ZNF251: variants seen among roughly 807,000 people sequenced by gnomAD.
ZNF251 encodes zinc finger protein 251.
In ZNF251, 14 loss-of-function variants were observed where a neutral mutation model predicts 13.5. The observed-to-expected ratio is 1.04, with a 90% CI of 0.69 to 1.63. ZNF251 has a LOEUF of 1.63. Among genes scored for constraint, ZNF251 ranks in the 40% most tolerant of loss-of-function variants. The probability of loss-of-function intolerance (pLI) is 0.00; values close to 1 mark genes in which losing one functional copy is unlikely to be tolerated. For synonymous variants in ZNF251, 287 were observed against 295.2 expected, an observed-to-expected ratio of 0.97 and a Z score of 0.28; for missense variants, 764 against 834.9, an observed-to-expected ratio of 0.92 and a Z score of 1.05.
chr8:144,739,638 G>A (rs1390925176), intron 4 of ZNF251, among the ~76,000 whole-genome samples: 3 of 152,190 alleles, frequency 2.0e-5, no homozygotes, highest in Non-Finnish European at 4.4e-5. Flanking sequence ...GTATTTTGAT[G>A]CTGTAATCCC....
intron 4 of ZNF251, among the ~76,000 whole-genome samples, chr8:144,737,642 C>T (rs1823958825): frequency 6.6e-6 from 1 of 151,740 alleles, no homozygotes; most frequent in South Asian, 2.1e-4. Flanking sequence ...ACCATCCTGG[C>T]TAACACGGTG....
intron 2 of ZNF251, 178 bp from the exon 3 acceptor site, chr8:144,754,499 A>G: frequency 6.9e-7 from 1 of 1,447,380 alleles, no homozygotes; most frequent in Non-Finnish European, 9.1e-7. Context: ...AACTTCAGCT[A>G]CACGGGGACC....
intron 4 of ZNF251, chr8:144,738,414 C>A (rs766999362): frequency 1.0e-4 from 29 of 283,414 alleles, no homozygotes; most frequent in Admixed American, 3.9e-4. Flanking sequence ...CACCATGCCA[C>A]AGCTCAGGAC....
At chr8:144,728,322 T>C (rs1342376180) in intron 4 of ZNF251, among the ~76,000 whole-genome samples, 4 of 151,606 alleles carry the variant, frequency 2.6e-5, no homozygotes, top group East Asian at 1.9e-4. Flanking sequence ...ACAATTACAA[T>C]AGCAACATTA....
At chr8:144,729,936 A>T in intron 4 of ZNF251, 1 of 564,194 alleles carries the variant, frequency 1.8e-6, no homozygotes, top group Non-Finnish European at 2.2e-6. Flanking sequence ...CTACTCAGAT[A>T]AAGATGTTCA....
intron 4 of ZNF251, chr8:144,738,669 G>C (rs1158756628): frequency 2.0e-6 from 2 of 985,358 alleles, no homozygotes; most frequent in African/African-American, 3.5e-5. Context: ...AGTGGAAACA[G>C]CACAGTTCTC....
chr8:144,748,903 G>A (rs1824557687), intron 4 of ZNF251, among the ~76,000 whole-genome samples: 1 of 152,128 alleles, frequency 6.6e-6, no homozygotes, highest in Non-Finnish European at 1.5e-5. Context: ...CAGGCACTGT[G>A]GCCTGTAATA....
intron 4 of ZNF251, among the ~76,000 whole-genome samples, chr8:144,726,566 A>G (rs1451754743): frequency 6.6e-6 from 1 of 151,612 alleles, no homozygotes; most frequent in Non-Finnish European, 1.5e-5. Flanking sequence ...AATAAAGACT[A>G]TTAGAAAACT....
rs1823828862 is a variant in ZNF251 at position 144,734,798 on chromosome 8, G to A, written c.278-11416C>T. Among the ~76,000 whole-genome samples, 1 of 152,236 alleles carries A rather than the reference G, an allele frequency of 6.6e-6. No individual in the cohort carries two copies. Among genetic ancestry groups the A allele is most frequent in the Non-Finnish European group, 1.5e-5 (1 of 68,048 alleles). Reference sequence around the variant, plus strand: ...TGTCTTAAGGGATTTTGCAGGCCGGGCGTGGTAGCTCACGCCTGTAATCCC... The same window carrying A: ...TGTCTTAAGGGATTTTGCAGGCCGGACGTGGTAGCTCACGCCTGTAATCCC... On this transcript the variant is annotated intron_variant, in intron 4 of 4. Coordinates refer to ENST00000292562, the MANE Select transcript of ZNF251 (RefSeq NM_138367.2). This position sits in a 1 kb window ranked among gnomAD's most constrained non-coding sequence, Gnocchi z 4.4.
chr8:144,722,815 A>C lies in ZNF251; in HGVS notation c.845T>G (p.Leu282Arg), dbSNP rs1823410422. The C allele has an allele frequency of 3.1e-6, 5 of 1,614,080 alleles. No individual in the cohort carries two copies. Among genetic ancestry groups the C allele is most frequent in the Non-Finnish European group, 4.2e-6 (5 of 1,179,918 alleles). ...KTFGLNSHLR[L>R]HRRIHTGEKP... Reference sequence around the variant, plus strand: ...TTCTCCAGTGTGAATTCTCCGATGAAGACGGAGGTGAGAATTGAGTCCAAA... The same window carrying C: ...TTCTCCAGTGTGAATTCTCCGATGACGACGGAGGTGAGAATTGAGTCCAAA... The change falls in exon 5 of 5, where the codon CTT (leucine) becomes CGT (arginine). Residue 282 changes from leucine (L) to arginine (R), a missense_variant. By Grantham distance (102) the Leu-to-Arg change is moderately radical (BLOSUM62 -2). Coordinates refer to ENST00000292562, the MANE Select transcript of ZNF251 (RefSeq NM_138367.2). This position sits in a 1 kb window ranked among gnomAD's most constrained non-coding sequence, Gnocchi z 4.8.
At position 144,750,123 on chromosome 8, in the gene ZNF251, G is replaced by A. The variant is rs551090249; in HGVS notation, c.277+3560C>T. Among the ~76,000 whole-genome samples the A allele has an allele frequency of 2.0e-5, 3 of 151,840 alleles. No individual in the cohort carries two copies. In the South Asian group the frequency reaches 6.2e-4, roughly 32 times the overall value. ...AATCATAGTTTTAAAAAAATACCTGGTCTGATTACTCCAACACTCCTGCCA... is the reference window on the plus strand; with the variant it reads ...AATCATAGTTTTAAAAAAATACCTGATCTGATTACTCCAACACTCCTGCCA... On this transcript the variant is annotated intron_variant, in intron 4 of 4. Coordinates refer to ENST00000292562, the MANE Select transcript of ZNF251 (RefSeq NM_138367.2).
chr8:144,737,100 G>A (rs1012959398), intron 4 of ZNF251, among the ~76,000 whole-genome samples: 1 of 150,918 alleles, frequency 6.6e-6, no homozygotes, highest in African/African-American at 2.4e-5. Context: ...CACGGCACCC[G>A]GCCTATTTTA....
intron 4 of ZNF251, among the ~76,000 whole-genome samples, chr8:144,737,825 G>T (rs189342999): frequency 8.2e-6 from 1 of 121,618 alleles, no homozygotes; most frequent in Non-Finnish European, 1.6e-5. Context: ...GCAACAGAGC[G>T]AGACTCTGTC....
At position 144,721,997 on chromosome 8, in the gene ZNF251, G is replaced by T; in HGVS notation, c.1663C>A (p.Leu555Met). ...RAFNHGANLI[L>M]RWTVHTGEKS... ...TCACCAGTGTGAACTGTCCAGCGCA[G>T]AATGAGATTTGCACCATGGTTAAAG... Residue 555 changes from leucine to methionine, a missense_variant, in exon 5 of 5, where the codon CTG becomes ATG. Transcript: ENST00000292562. 1 of 1,585,726 alleles carries T rather than the reference G, an allele frequency of 6.3e-7. No individual in the cohort carries two copies. The highest frequency in any genetic ancestry group is 8.6e-7 in the Non-Finnish European group (1 of 1,165,936).
chr8:144,745,509 TAC>T (rs1824381556), intron 4 of ZNF251, among the ~76,000 whole-genome samples: 1 of 152,122 alleles, frequency 6.6e-6, no homozygotes, highest in Non-Finnish European at 1.5e-5. Context: ...TTATAAACAT[TAC>T]AATCAGTTTG....
intron 4 of ZNF251, among the ~76,000 whole-genome samples, chr8:144,745,220 T>C (rs577533989): frequency 6.7e-6 from 1 of 149,474 alleles, no homozygotes; most frequent in South Asian, 2.1e-4. Context: ...CACGTGGATG[T>C]TCAGTTATTC....
chr8:144,731,303 C>G (rs1193359189), intron 4 of ZNF251, among the ~76,000 whole-genome samples: 1 of 152,160 alleles, frequency 6.6e-6, no homozygotes, highest in Non-Finnish European at 1.5e-5. Flanking sequence ...TGCAGTTCTT[C>G]GTCTTCCTCC....
chr8:144,727,060 A>C (rs1015315137), intron 4 of ZNF251, among the ~76,000 whole-genome samples: 1 of 152,072 alleles, frequency 6.6e-6, no homozygotes, highest in South Asian at 2.1e-4. Flanking sequence ...TCTGAAAAAA[A>C]ATTTTTTTTA....
rs574919334 is a variant in ZNF251, at chr8:144,748,321, G to A, written c.277+5362C>T. Among the ~76,000 whole-genome samples the A allele has an allele frequency of 5.3e-5, 8 of 152,024 alleles. No homozygotes were observed. In the East Asian group the frequency reaches 7.8e-4, roughly 15 times the overall value. The stretch of plus-strand genomic sequence containing the variant: ...ACTCCTGACCTCAAGTTATCTGCCC[G>A]CCTCGGCCTCCCAGTGCTGGGATTA... On this transcript the variant is annotated intron_variant, in intron 4 of 4. Transcript: ENST00000292562.
Sources: allele counts gnomAD v4.1 joint callset (sites outside exome capture counted in the v4.1 genomes callset), GRCh38; gene constraint gnomAD v4.1.1; non-coding constraint Gnocchi (gnomAD v3.1); transcripts MANE v1.5; gene names NCBI Gene and HGNC (gene_info 2026-07-23, HGNC 2026-07-21).